CABIN1: variants seen among roughly 807,000 people sequenced by gnomAD.
The protein encoded by CABIN1 is calcineurin-binding protein cabin-1.
CABIN1 carries 133 observed loss-of-function variants against 227.7 expected under a neutral mutation model. That is an observed-to-expected ratio of 0.58 (90% CI 0.51 to 0.67). The LOEUF (loss-of-function observed/expected upper bound fraction) is 0.67. Among genes scored for constraint, CABIN1 ranks in the 30% least tolerant of loss-of-function variants. The pLI is 0.00. For missense variants in CABIN1, 2,408 were observed against 2,852.5 expected (o/e 0.84, Z 3.55); for synonymous variants, 1,086 against 1,155.1 (o/e 0.94, Z 1.21).
chr22:24,129,500 C>T (rs995171029), intron 28 of CABIN1, among the ~76,000 whole-genome samples: 1 of 152,236 alleles, frequency 6.6e-6, no homozygotes, highest in Non-Finnish European at 1.5e-5. Context: ...CCTCCCTCAA[C>T]CTGACATACG....
chr22:24,037,104 A>G (rs1228637427), intron 3 of CABIN1, among the ~76,000 whole-genome samples: 1 of 152,008 alleles, frequency 6.6e-6, no homozygotes, highest in Non-Finnish European at 1.5e-5. Context: ...TACTCAAAGT[A>G]TAAAAATTAG....
chr22:24,111,806 G>A (rs572632821), intron 26 of CABIN1, among the ~76,000 whole-genome samples: 16 of 152,122 alleles, frequency 1.1e-4, no homozygotes, highest in Non-Finnish European at 2.1e-4. Context: ...GGAGATTGTC[G>A]GTATGTCTAG....
At position 24,070,903 on chromosome 22, in the gene CABIN1, C is replaced by T. The variant is rs1406001677; in HGVS notation, c.2336C>T (p.Ala779Val). The change falls in exon 17 of 37, where the codon GCC becomes GTC. Residue 779 changes from alanine to valine, a missense_variant. Ala to Val is a moderately conservative substitution (Grantham distance 64). Transcript: ENST00000263119. ...QQMVNSGEAA[A>V]KEEWVATVTQ... is the part of the protein sequence containing the mutation. ...ATGGTGAACTCAGGTGAGGCTGCCG[C>T]CAAGGAGGAGTGGGTGGCCACAGTG... is the stretch of plus-strand genomic sequence containing the variant. The T allele has an allele frequency of 6.2e-7, 1 of 1,614,216 alleles. No individual in the cohort carries two copies. The highest frequency in any genetic ancestry group is 1.6e-4 in the Middle Eastern group (1 of 6,062).
In CABIN1 at chr22:24,113,488, C is replaced by T. The variant is rs868265278; in HGVS notation, c.4118-78C>T. Reference sequence around the variant, plus strand: ...AGTCCCCAGGCCACCGGCAGGGAGACTCACCATAGGAAGGCCCCCTGTGTT... The same window carrying T: ...AGTCCCCAGGCCACCGGCAGGGAGATTCACCATAGGAAGGCCCCCTGTGTT... On this transcript the variant is annotated intron_variant, in intron 26 of 36. Transcript: ENST00000263119. 2.8e-5 allele frequency: 38 copies of T among 1,356,958 alleles called. 1 individual carries two copies. In the South Asian group the frequency reaches 2.8e-4, roughly 10 times the overall value. The allele number at this position is 1,356,958 out of a possible 1,614,324, so 84.1% of individuals were successfully genotyped here.
At chr22:24,127,034 A>C (rs2043772628) in intron 28 of CABIN1, among the ~76,000 whole-genome samples, 1 of 151,998 alleles carries the variant, frequency 6.6e-6, no homozygotes, top group South Asian at 2.1e-4. Flanking sequence ...AAAAAACAAA[A>C]AACTGTCGCA....
At chr22:24,171,265 T>C (rs1306715420) in intron 33 of CABIN1, among the ~76,000 whole-genome samples, 1 of 152,140 alleles carries the variant, frequency 6.6e-6, no homozygotes, top group African/African-American at 2.4e-5. Context: ...AGCATCCCAC[T>C]AGCTCCCTCA....
Position 24,145,745 on chromosome 22 carries a change from C to T in CABIN1, c.4746+11330C>T, listed in dbSNP as rs148966421. On this transcript the variant is annotated intron_variant, in intron 29 of 36. Coordinates refer to ENST00000263119, the MANE Select transcript of CABIN1 (RefSeq NM_012295.4). ...AGCAGTGTCCTCAGTGGAGGATGGA[C>T]GCAACACAGTAGAGATGCCACTCAA... 4.6e-5 allele frequency among the ~76,000 whole-genome samples: 7 copies of T among 152,282 alleles called. No homozygotes were observed. In the East Asian group the frequency reaches 9.6e-4, roughly 21 times the overall value.
At chr22:24,026,740 T>A (rs985909099) in intron 1 of CABIN1, among the ~76,000 whole-genome samples, 2 of 152,242 alleles carry the variant, frequency 1.3e-5, no homozygotes, top group African/African-American at 4.8e-5. Flanking sequence ...TTTCATTGAT[T>A]TATGTGTCTG....
chr22:24,168,067 T>C (rs1569314882), intron 32 of CABIN1, among the ~76,000 whole-genome samples: 2 of 152,236 alleles, frequency 1.3e-5, no homozygotes, highest in African/African-American at 2.4e-5. Flanking sequence ...CCCTTGAGTC[T>C]GCCTGCCAGC....
At chr22:24,056,990 G>A (rs989770684) in intron 10 of CABIN1, among the ~76,000 whole-genome samples, 4 of 151,834 alleles carry the variant, frequency 2.6e-5, no homozygotes, top group Admixed American at 1.3e-4. Flanking sequence ...AGGCCGGAGT[G>A]CAGTGGTGCT....
chr22:24,099,155 C>T (rs772779848), intron 26 of CABIN1, among the ~76,000 whole-genome samples: 1 of 152,182 alleles, frequency 6.6e-6, no homozygotes, highest in South Asian at 2.1e-4. Flanking sequence ...CCACCACCTT[C>T]GCTCTAGTGC....
In CABIN1 at chr22:24,077,316, C is replaced by T. The variant is rs368248765; in HGVS notation, c.2748+1032C>T. The stretch of plus-strand genomic sequence containing the variant: ...AGTAGGGGGTTTTGCTAGTTTTGTT[C>T]ACTGCTGGATCCAAGTACCTAGTAC... On this transcript the variant is annotated intron_variant, in intron 19 of 36. Transcript: ENST00000263119. 5.9e-4 allele frequency among the ~76,000 whole-genome samples: 90 copies of T among 152,264 alleles called. 1 individual carries two copies. The South Asian group carries it at 0.018, about 30-fold the overall frequency.
At chr22:24,108,235 G>A (rs2042622458) in intron 26 of CABIN1, among the ~76,000 whole-genome samples, 1 of 152,206 alleles carries the variant, frequency 6.6e-6, no homozygotes, top group African/African-American at 2.4e-5. Context: ...ATCTGGGATG[G>A]GAATGTGGGT....
At chr22:24,033,883 A>G (rs2036675129) in intron 1 of CABIN1, among the ~76,000 whole-genome samples, 1 of 152,184 alleles carries the variant, frequency 6.6e-6, no homozygotes, top group Non-Finnish European at 1.5e-5. Context: ...CCCAGAAAGA[A>G]ACCCTAAACC....
intron 15 of CABIN1, among the ~76,000 whole-genome samples, 194 bp downstream of exon 15, chr22:24,064,381 A>G (rs2039430243): frequency 1.3e-5 from 2 of 151,848 alleles, no homozygotes; most frequent in East Asian, 1.9e-4. Context: ...AATTTTTTGT[A>G]TCTTTAGTAG....
chr22:24,011,761 T>G (rs192772166), intron 1 of CABIN1: 2 of 152,144 alleles, frequency 1.3e-5, no homozygotes. Context: ...TTTACAGGGG[T>G]GGAAACTGAG....
chr22:24,177,750 C>T lies in CABIN1; in HGVS notation c.6452C>T (p.Thr2151Met), dbSNP rs1195930466. The T allele has an allele frequency of 2.5e-6, 4 of 1,611,706 alleles. No individual in the cohort carries two copies. Among genetic ancestry groups the T allele is most frequent in the Non-Finnish European group, 3.4e-6 (4 of 1,178,472 alleles). ...AAGTTCCCCCCTGAGATCACCGTCACGCCACCCACCCCAACCCTGCTCTCC... is the reference window on the plus strand; with the variant it reads ...AAGTTCCCCCCTGAGATCACCGTCATGCCACCCACCCCAACCCTGCTCTCC... The part of the protein sequence containing the change: ...ATKFPPEITV[T>M]PPTPTLLSPK... Residue 2151 changes from threonine to methionine, a missense_variant, in exon 36 of 37, where the codon ACG becomes ATG. Physicochemically the swap from Thr to Met is moderately conservative, Grantham distance 81. Transcript: ENST00000263119. The surrounding 1 kb of genome is among the most constrained non-coding windows in gnomAD (Gnocchi z 4.4).
intron 27 of CABIN1, 57 bp downstream of exon 27, chr22:24,113,805 G>A: frequency 2.5e-6 from 4 of 1,596,016 alleles, no homozygotes; most frequent in Non-Finnish European, 3.4e-6. Flanking sequence ...GGCAATCTGG[G>A]CAAAGCCGAA....
At chr22:24,013,867 C>G (rs1338092858) in intron 1 of CABIN1, among the ~76,000 whole-genome samples, 1 of 152,094 alleles carries the variant, frequency 6.6e-6, no homozygotes, top group Admixed American at 6.6e-5. Flanking sequence ...AAAGGTTTGT[C>G]CAGTGTTTTC....
Sources: gnomAD v4.1 joint callset for allele counts (sites outside exome capture counted in the v4.1 genomes callset) on GRCh38, gnomAD v4.1.1 for gene constraint, Gnocchi (gnomAD v3.1) non-coding constraint, MANE v1.5 for transcripts, NCBI Gene and HGNC (gene_info 2026-07-23, HGNC 2026-07-21) for gene names.